Variants in PTPRG observed in about 807,000 individuals in gnomAD.
The protein encoded by PTPRG is receptor-type tyrosine-protein phosphatase gamma.
PTPRG carries 102 observed loss-of-function variants against 165.3 expected under a neutral mutation model. The observed-to-expected ratio is 0.62, with a 90% confidence interval of 0.53 to 0.73. The LOEUF (loss-of-function observed/expected upper bound fraction) is 0.73, where lower values mean the gene tolerates loss of function less well. Ranked by LOEUF, PTPRG falls within the 30% of genes least tolerant of loss-of-function variation. The pLI is 0.00. For missense variants in PTPRG, 1,866 were observed against 1,861.4 expected (o/e 1.00, Z -0.05); for synonymous variants, 675 against 669.5 (o/e 1.01, Z -0.13).
intron 2 of PTPRG, among the ~76,000 whole-genome samples, chr3:61,943,419 C>G (rs932900840): frequency 6.6e-6 from 1 of 152,208 alleles, no homozygotes; most frequent in East Asian, 1.9e-4. Context: ...GGCGCAACTC[C>G]GTCTCTACTA....
intron 1 of PTPRG, among the ~76,000 whole-genome samples, chr3:61,667,843 T>G (rs1486889831): frequency 1.3e-5 from 2 of 151,834 alleles, no homozygotes; most frequent in African/African-American, 4.8e-5. Context: ...AAGTCCATTC[T>G]GCTGATTCTA....
At chr3:61,613,716 T>C (rs1701235121) in intron 1 of PTPRG, among the ~76,000 whole-genome samples, 1 of 152,032 alleles carries the variant, frequency 6.6e-6, no homozygotes, top group Non-Finnish European at 1.5e-5. Flanking sequence ...TCAAAAACCA[T>C]GATCCATTAT....
chr3:61,770,932 G>A (rs1238940376), intron 2 of PTPRG: 1 of 152,008 alleles, frequency 6.6e-6, no homozygotes, highest in African/African-American at 2.4e-5. Flanking sequence ...ATTCTTTCTG[G>A]TGGGATTTTT....
At chr3:61,999,003 T>G (rs1415524132) in intron 3 of PTPRG, among the ~76,000 whole-genome samples, 1 of 152,160 alleles carries the variant, frequency 6.6e-6, no homozygotes. Context: ...AGATGATACC[T>G]TCTCACATTC....
chr3:61,591,237 T>C (rs560296646), intron 1 of PTPRG, among the ~76,000 whole-genome samples: 7 of 152,366 alleles, frequency 4.6e-5, no homozygotes, highest in African/African-American at 7.2e-5. Flanking sequence ...TGTTGGATCA[T>C]AGGATAATAG....
At chr3:62,163,538 G>A (rs917994340) in intron 7 of PTPRG, among the ~76,000 whole-genome samples, 1 of 152,144 alleles carries the variant, frequency 6.6e-6, no homozygotes, top group East Asian at 1.9e-4. Flanking sequence ...CCAAAATAAT[G>A]TCTGTAAAGT....
intron 6 of PTPRG, among the ~76,000 whole-genome samples, chr3:62,150,956 A>G (rs985218505): frequency 2.0e-5 from 3 of 152,204 alleles, no homozygotes; most frequent in African/African-American, 7.2e-5. Context: ...CGTATTTTAT[A>G]AAGAGCTTTC....
rs890237088 is a variant in PTPRG, at chr3:61,608,888, G to C, written c.85+46516G>C. On this transcript the variant is annotated intron_variant, in intron 1 of 29. Transcript: ENST00000474889. ...AGCCCTTGCTATTGTCCCTTTAGGGGATTATCCAAGATAATACTCCATCTG... is the reference window on the plus strand; with the variant it reads ...AGCCCTTGCTATTGTCCCTTTAGGGCATTATCCAAGATAATACTCCATCTG... Among the ~76,000 whole-genome samples, 3 of 152,158 alleles carry C rather than the reference G, an allele frequency of 2.0e-5. No homozygotes were observed. The South Asian group carries it at 6.2e-4, about 31-fold the overall frequency.
intron 5 of PTPRG, among the ~76,000 whole-genome samples, chr3:62,127,959 T>C (rs1361940539): frequency 6.6e-6 from 1 of 152,210 alleles, no homozygotes; most frequent in Non-Finnish European, 1.5e-5. Flanking sequence ...GGGCTATTAA[T>C]TGAAAAGAAA....
intron 4 of PTPRG, among the ~76,000 whole-genome samples, chr3:62,058,926 G>T (rs1700717440): frequency 6.6e-6 from 1 of 152,138 alleles, no homozygotes; most frequent in Non-Finnish European, 1.5e-5. Flanking sequence ...TTGCTTATGA[G>T]CAATTGTCAC....
intron 1 of PTPRG, among the ~76,000 whole-genome samples, chr3:61,614,702 G>A (rs1701258834): frequency 6.6e-6 from 1 of 152,136 alleles, no homozygotes; most frequent in Non-Finnish European, 1.5e-5. Flanking sequence ...GTGAGCCACT[G>A]TGCCCAGCCT....
intron 24 of PTPRG, 35 bp downstream of exon 24, chr3:62,276,001 A>C: frequency 6.7e-7 from 1 of 1,486,660 alleles, no homozygotes; most frequent in Non-Finnish European, 9.3e-7. Context: ...GTGATCTTTT[A>C]TACTGGATTG....
chr3:62,122,214 A>G (rs1167675303), intron 5 of PTPRG, among the ~76,000 whole-genome samples: 2 of 152,170 alleles, frequency 1.3e-5, no homozygotes, highest in Non-Finnish European at 2.9e-5. Context: ...CTCCCTAAAA[A>G]CAGTTTTCAC....
chr3:61,705,597 G>T (rs34963340), intron 1 of PTPRG, among the ~76,000 whole-genome samples: 1 of 152,114 alleles, frequency 6.6e-6, no homozygotes, highest in African/African-American at 2.4e-5. Context: ...GTATAACTGT[G>T]CAATAAAGAA....
intron 2 of PTPRG, among the ~76,000 whole-genome samples, chr3:61,877,498 G>C (rs896629798): frequency 4.6e-5 from 7 of 152,174 alleles, no homozygotes; most frequent in Non-Finnish European, 5.9e-5. Context: ...ACCAGAAAGC[G>C]GGGGAAACAG....
At position 62,293,158 on chromosome 3, in the gene PTPRG, C is replaced by T. The variant is rs1197267370; in HGVS notation, c.4192-3C>T. The T allele has an allele frequency of 6.4e-7, 1 of 1,570,332 alleles. No homozygotes were observed. Among genetic ancestry groups the T allele is most frequent in the South Asian group, 1.2e-5 (1 of 82,836 alleles). The stretch of plus-strand genomic sequence containing the variant: ...CTCAAACTGTCTTCCTCTTGTTTTT[C>T]AGGAACAATACCAGTTCATCTATAA... On this transcript the variant is annotated splice_polypyrimidine_tract_variant and splice_region_variant and intron_variant, in intron 29 of 29. Transcript: ENST00000474889.
chr3:61,952,092 T>A (rs1208904983), intron 2 of PTPRG, among the ~76,000 whole-genome samples: 4 of 126,172 alleles, frequency 3.2e-5, no homozygotes, highest in African/African-American at 1.2e-4. Context: ...CACTGCAGCC[T>A]GGCGACAGAT....
rs368725033 is a variant in PTPRG at position 61,782,869 on chromosome 3, C to A, written c.190+33887C>A. Among the ~76,000 whole-genome samples the A allele has an allele frequency of 5.3e-4, 81 of 152,208 alleles. 1 individual carries two copies. The South Asian group carries it at 0.016, about 31-fold the overall frequency. ...CCAGGTTGGAGTGCAGTGGTACAGT[C>A]ATAGCTTACTGAAGCCTCAAACTCC... On this transcript the variant is annotated intron_variant, in intron 2 of 29. Transcript: ENST00000474889.
At chr3:61,937,007 C>A (rs1216816284) in intron 2 of PTPRG, among the ~76,000 whole-genome samples, 1 of 152,126 alleles carries the variant, frequency 6.6e-6, no homozygotes, top group African/African-American at 2.4e-5. Flanking sequence ...GATGACCAGG[C>A]AGAGGAGGCT....
Sources: allele counts gnomAD v4.1 joint callset (sites outside exome capture counted in the v4.1 genomes callset), GRCh38; gene constraint gnomAD v4.1.1; transcripts MANE v1.5; gene names NCBI Gene and HGNC (gene_info 2026-07-23, HGNC 2026-07-21).